HIVEP3: variants seen among roughly 807,000 people sequenced by gnomAD.
HIVEP3 encodes the protein HIVEP zinc finger 3.
In HIVEP3, 49 loss-of-function variants were observed where a neutral mutation model predicts 152.8. The ratio of observed to expected loss-of-function variants is 0.32; its 90% confidence interval spans 0.26 to 0.41. The LOEUF is 0.41. HIVEP3 is among the 10% of genes least tolerant of loss of function. The pLI is 1.00. For missense variants in HIVEP3, 2,790 were observed against 3,103.3 expected, an observed-to-expected ratio of 0.90 and a Z score of 2.40; for synonymous variants, 1,269 against 1,289.0, an observed-to-expected ratio of 0.98 and a Z score of 0.33.
At chr1:41,914,387 TTTAG>T (rs2124468104) in intron 1 of HIVEP3, among the ~76,000 whole-genome samples, 1 of 152,340 alleles carries the variant, frequency 6.6e-6, no homozygotes, top group Middle Eastern at 3.4e-3. Context: ...GACAGTTTCT[TTTAG>T]TTAAAGAATT....
chr1:41,530,042 ACT>A (rs1210321158), intron 5 of HIVEP3, among the ~76,000 whole-genome samples: 2 of 148,790 alleles, frequency 1.3e-5, no homozygotes, highest in Non-Finnish European at 3.0e-5. Context: ...ACGCTCATAC[ACT>A]CTCCTGGCAC....
At chr1:41,807,579 T>C (rs1350071593) in intron 1 of HIVEP3, among the ~76,000 whole-genome samples, 1 of 152,034 alleles carries the variant, frequency 6.6e-6, no homozygotes, top group African/African-American at 2.4e-5. Flanking sequence ...TGGGAGGCGA[T>C]TTTCCCAGCC....
At chr1:41,621,624 C>A (rs561885885) in intron 3 of HIVEP3, among the ~76,000 whole-genome samples, 45 of 152,370 alleles carry the variant, frequency 3.0e-4, no homozygotes, top group African/African-American at 1.0e-3. Context: ...AAGCCATCCA[C>A]CCGCTTCAGT....
chr1:41,882,378 C>G (rs951279617), intron 1 of HIVEP3, among the ~76,000 whole-genome samples: 7 of 152,318 alleles, frequency 4.6e-5, no homozygotes, highest in African/African-American at 1.7e-4. Flanking sequence ...ACTGAGCAGA[C>G]CCTACTGTGG....
upstream of HIVEP3, among the ~76,000 whole-genome samples, chr1:41,922,183 G>A (rs1363358246): frequency 6.6e-6 from 1 of 152,208 alleles, no homozygotes; most frequent in Admixed American, 6.5e-5. Context: ...ACTTCCAGAT[G>A]TACTCTGATA....
At chr1:41,797,615 G>A (rs899848508) in intron 1 of HIVEP3, among the ~76,000 whole-genome samples, 20 of 152,154 alleles carry the variant, frequency 1.3e-4, no homozygotes, top group Admixed American at 1.2e-3. Context: ...TCCCAAGTCC[G>A]GAAAAGCTAG....
At chr1:41,712,408 C>A (rs538102310) in intron 1 of HIVEP3, among the ~76,000 whole-genome samples, 1 of 152,308 alleles carries the variant, frequency 6.6e-6, no homozygotes, top group South Asian at 2.1e-4. Flanking sequence ...GGTTTCCAGT[C>A]TCCTGGCAGA....
chr1:41,986,857 C>T (rs1004131625), intron 1 of HIVEP3, among the ~76,000 whole-genome samples: 1 of 152,144 alleles, frequency 6.6e-6, no homozygotes, highest in South Asian at 2.1e-4. Flanking sequence ...TATATTTAAA[C>T]ACGATTTTTA....
intron 1 of HIVEP3, among the ~76,000 whole-genome samples, chr1:41,849,631 G>A (rs1338622436): frequency 1.3e-5 from 2 of 151,856 alleles, no homozygotes; most frequent in South Asian, 2.1e-4. Context: ...GCACAGACAT[G>A]CAACTACTTG....
chr1:41,577,960 G>A (rs1312415488), intron 4 of HIVEP3, among the ~76,000 whole-genome samples: 2 of 152,194 alleles, frequency 1.3e-5, no homozygotes, highest in South Asian at 2.1e-4. Flanking sequence ...GAAAAAGTTC[G>A]CAGGTTTTAG....
chr1:41,787,477 G>A (rs1442047635), intron 1 of HIVEP3, among the ~76,000 whole-genome samples: 2 of 150,476 alleles, frequency 1.3e-5, no homozygotes, highest in Non-Finnish European at 3.0e-5. Context: ...CAGCAGATGA[G>A]TTTTCACATG....
At chr1:41,937,865 C>G (rs114008108) in intron 1 of HIVEP3, among the ~76,000 whole-genome samples, 1,797 of 152,298 alleles carry the variant, frequency 0.012, 38 homozygotes, top group African/African-American at 0.041. Flanking sequence ...ACATTCAAGA[C>G]TGAACAACCA....
chr1:41,592,939 C>T (rs770197035), intron 3 of HIVEP3, among the ~76,000 whole-genome samples: 1 of 152,202 alleles, frequency 6.6e-6, no homozygotes, highest in Non-Finnish European at 1.5e-5. Flanking sequence ...TGGCCAGGTC[C>T]TGACCTGCTG....
At position 41,511,133 on chromosome 1, in the gene HIVEP3, AG is replaced by A; in HGVS notation, c.6538del (p.Leu2180CysfsTer8). On this transcript the variant is annotated frameshift_variant, in exon 9 of 9. Transcript: ENST00000372583. LOFTEE classifies it high-confidence loss of function. This position sits in a 1 kb window ranked among gnomAD's most constrained non-coding sequence, Gnocchi z 4.9. Reference protein sequence around the residue: ...ARTEENIFSHLPLHSQHLTRA... With the variant: ...ARTEENIFSHXPLHSQHLTRA... Reference sequence around the variant, plus strand: ...GGTCAAGTGCTGGGAGTGCAGAGGCAGGTGGCTGAAGATGTTCTCCTCTGTC... The same window carrying A: ...GGTCAAGTGCTGGGAGTGCAGAGGCAGTGGCTGAAGATGTTCTCCTCTGTC... 6 of 1,614,174 alleles carry A rather than the reference AG, an allele frequency of 3.7e-6. No homozygotes were observed. The highest frequency in any genetic ancestry group is 5.1e-6 in the Non-Finnish European group (6 of 1,180,022).
Position 41,625,162 on chromosome 1 carries a change from C to CAAAAAA in HIVEP3, c.-522+3581_-522+3586dup, listed in dbSNP as rs59268661. ...TGGCTGACAGAGCGAGATTCCAACTCAAAAAAAAAAAAAAAAAAAAAAAAA... is the reference window on the plus strand; with the variant it reads ...TGGCTGACAGAGCGAGATTCCAACTCAAAAAAAAAAAAAAAAAAAAAAAAAAAAAAA... On this transcript the variant is annotated intron_variant, in intron 3 of 8. Transcript: ENST00000372583. Among the ~76,000 whole-genome samples, 135 of 71,284 alleles carry CAAAAAA rather than the reference C, an allele frequency of 1.9e-3. 1 individual carries two copies. Among genetic ancestry groups the CAAAAAA allele is most frequent in the Non-Finnish European group, 2.7e-3 (108 of 39,902 alleles). 46.8% of individuals were successfully genotyped at this position (71,284 alleles called of 152,430 possible). A position where few individuals can be genotyped will look rare whatever the true frequency, so the allele number is the denominator to read the frequency against.
At chr1:41,779,936 C>G (rs79590219) in intron 1 of HIVEP3, among the ~76,000 whole-genome samples, 4,092 of 152,330 alleles carry the variant, frequency 0.027, 107 homozygotes, top group East Asian at 0.076. Context: ...CTAACTTAGT[C>G]TCTCTAAACC....
chr1:41,691,563 T>G (rs1646199179), intron 2 of HIVEP3, among the ~76,000 whole-genome samples: 1 of 152,228 alleles, frequency 6.6e-6, no homozygotes, highest in Admixed American at 6.5e-5. Flanking sequence ...TCTCATCCTC[T>G]CTACCATTTG....
chr1:41,794,464 A>C (rs1008003820), intron 1 of HIVEP3, among the ~76,000 whole-genome samples: 8 of 152,218 alleles, frequency 5.3e-5, no homozygotes, highest in Non-Finnish European at 8.8e-5. Context: ...AGGGGAACTT[A>C]TAGGTAAAAA....
At chr1:41,949,087 C>A (rs1302603600) in intron 1 of HIVEP3, among the ~76,000 whole-genome samples, 2 of 152,078 alleles carry the variant, frequency 1.3e-5, no homozygotes, top group Middle Eastern at 3.2e-3. Flanking sequence ...TCCTCCCACA[C>A]AAATAGTCTG....
Sources: gnomAD v4.1 joint callset for allele counts (sites outside exome capture counted in the v4.1 genomes callset) on GRCh38, gnomAD v4.1.1 for gene constraint, Gnocchi (gnomAD v3.1) non-coding constraint, MANE v1.5 for transcripts, NCBI Gene and HGNC (gene_info 2026-07-23, HGNC 2026-07-21) for gene names.